ZNF808: variants seen among roughly 807,000 people sequenced by gnomAD.
ZNF808 encodes the protein zinc finger protein 808.
ZNF808 carries 5 observed loss-of-function variants against 8.7 expected under a neutral mutation model. The observed-to-expected ratio is 0.58, with a 90% CI of 0.30 to 1.21. The LOEUF (loss-of-function observed/expected upper bound fraction) is 1.21, where lower values mean the gene tolerates loss of function less well. Ranked by LOEUF, ZNF808 falls within the 50% of genes most tolerant of loss-of-function variation. The probability of loss-of-function intolerance (pLI) is 0.07; values close to 1 mark genes in which losing one functional copy is unlikely to be tolerated. For missense variants in ZNF808, 1,103 were observed against 1,098.4 expected (o/e 1.00, Z -0.06); for synonymous variants, 380 against 366.0 (o/e 1.04, Z -0.44).
chr19:52,564,256 A>G (rs1049373324), exon 4 of ZNF808: 1 of 876,496 alleles, frequency 1.1e-6, no homozygotes, highest in Non-Finnish European at 1.9e-6. Context: ...GATGGCACAC[A>G]TATTTATGCT....
intron 2 of ZNF808, chr19:52,536,116 G>T: frequency 6.5e-6 from 1 of 153,074 alleles, no homozygotes; most frequent in South Asian, 2.0e-4. Context: ...CCTGGAAAGT[G>T]GGGTCCCCAC....
intron 2 of ZNF808, among the ~76,000 whole-genome samples, chr19:52,533,971 GC>G (rs1280112581): frequency 6.6e-6 from 1 of 151,760 alleles, no homozygotes; most frequent in East Asian, 1.9e-4. Context: ...ATAATTCTGA[GC>G]CTTGAGAGGA....
chr19:52,552,702 GGT>G (rs1491227910), intron 4 of ZNF808, among the ~76,000 whole-genome samples: 26 of 102,252 alleles, frequency 2.5e-4, no homozygotes, highest in African/African-American at 9.9e-4. Context: ...TATGTTGTGT[GGT>G]TTTTTTTTTT....
At chr19:52,568,253 A>G (rs1366742657), downstream of ZNF808, among the ~76,000 whole-genome samples, 2 of 152,158 alleles carry the variant, frequency 1.3e-5, no homozygotes, top group Non-Finnish European at 2.9e-5. Context: ...GCACGCCTGT[A>G]TTTTCAGCTA....
At chr19:52,564,255 C>T in exon 4 of ZNF808, 1 of 874,916 alleles carries the variant, frequency 1.1e-6, no homozygotes, top group Non-Finnish European at 1.9e-6. Context: ...AGATGGCACA[C>T]ATATTTATGC....
rs765329038 is a variant in ZNF808, at chr19:52,554,615, T to TAA, written c.1700_1701insAA (p.Tyr567Ter). The change falls in exon 5 of 5, where the codon TAC becomes TAAAC. Residue 567 changes from tyrosine to a stop codon, truncating the protein, a stop_gained and frameshift_variant. Coordinates refer to ENST00000359798, the MANE Select transcript of ZNF808 (RefSeq NM_001039886.4). LOFTEE classifies it low-confidence loss of function (END_TRUNC). ...HTRIHTAKKP[Y>*]KCNECGKAFN... Reference sequence around the variant, plus strand: ...TAGAATTCACACTGCAAAGAAACCTTACAAGTGTAATGAATGTGGGAAAGC... The same window carrying TAA: ...TAGAATTCACACTGCAAAGAAACCTTAAACAAGTGTAATGAATGTGGGAAAGC... The TAA allele has an allele frequency of 7.4e-6, 12 of 1,613,878 alleles. No homozygotes were observed. Among genetic ancestry groups the TAA allele is most frequent in the Non-Finnish European group, 4.2e-6 (5 of 1,179,942 alleles).
chr19:52,532,466 C>T (rs1251821779), intron 1 of ZNF808, among the ~76,000 whole-genome samples: 3 of 152,052 alleles, frequency 2.0e-5, no homozygotes, highest in Admixed American at 6.6e-5. Context: ...ATTTTGGTTA[C>T]CCTTACATAA....
chr19:52,554,241 T>C lies in ZNF808; in HGVS notation c.1325T>C (p.Leu442Pro). The change falls in exon 5 of 5, where the codon CTT becomes CCT. Residue 442 changes from leucine to proline, a missense_variant. Leu to Pro is a moderately conservative substitution (Grantham distance 98). Coordinates refer to ENST00000359798, the MANE Select transcript of ZNF808 (RefSeq NM_001039886.4). Reference sequence around the variant, plus strand: ...AAAGTTTTCAGTCAGAAATCAACCCTTGAGAGACATAAGAGAATTCATACT... The same window carrying C: ...AAAGTTTTCAGTCAGAAATCAACCCCTGAGAGACATAAGAGAATTCATACT... ...CDKVFSQKSTLERHKRIHTGE... is the reference protein window; with the variant it reads ...CDKVFSQKSTPERHKRIHTGE... 6.2e-7 allele frequency: 1 copy of C among 1,613,700 alleles called. No individual in the cohort carries two copies. The highest frequency in any genetic ancestry group is 8.5e-7 in the Non-Finnish European group (1 of 1,179,706).
At position 52,555,139 on chromosome 19, in the gene ZNF808, CA is replaced by C; in HGVS notation, c.2225del (p.Lys742ArgfsTer126). The part of the protein sequence containing the change: ...EKPYKCSECS[K>X]TFSQKATLLC... ...AACCTTACAAGTGTAGTGAGTGCAG[CA>C]AGACGTTCAGTCAGAAGGCAACCCT... is the stretch of plus-strand genomic sequence containing the variant. On this transcript the variant is annotated frameshift_variant, in exon 5 of 5. Transcript: ENST00000359798. LOFTEE classifies it low-confidence loss of function (END_TRUNC). The C allele has an allele frequency of 6.2e-7, 1 of 1,613,590 alleles. No homozygotes were observed. The highest frequency in any genetic ancestry group is 1.1e-5 in the South Asian group (1 of 91,070).
chr19:52,563,062 C>T (rs1739693995), intron 3 of ZNF808, among the ~76,000 whole-genome samples: 1 of 152,146 alleles, frequency 6.6e-6, no homozygotes, highest in Non-Finnish European at 1.5e-5. Flanking sequence ...GCCTGAACCA[C>T]CGCATCCTGT....
intron 3 of ZNF808, among the ~76,000 whole-genome samples, chr19:52,561,940 GAT>G (rs1446501276): frequency 6.6e-6 from 1 of 152,186 alleles, no homozygotes; most frequent in African/African-American, 2.4e-5. Flanking sequence ...TGTGTAATAA[GAT>G]ATGTCAGCCT....
intron 1 of ZNF808, among the ~76,000 whole-genome samples, chr19:52,531,777 C>G (rs996237512): frequency 4.1e-4 from 62 of 152,114 alleles, no homozygotes; most frequent in African/African-American, 1.5e-3. Flanking sequence ...AACTAGATAA[C>G]TAAGGGCAAT....
rs775192477 is a variant in ZNF808 at position 52,554,112 on chromosome 19, A to G, written c.1196A>G (p.Tyr399Cys). 1.9e-6 allele frequency: 3 copies of G among 1,614,188 alleles called. No individual in the cohort carries two copies. Among genetic ancestry groups the G allele is most frequent in the Non-Finnish European group, 2.5e-6 (3 of 1,180,032 alleles). The change falls in exon 5 of 5, where the codon TAC becomes TGC. Residue 399 changes from tyrosine to cysteine, a missense_variant. By Grantham distance (194) the Tyr-to-Cys change is radical (BLOSUM62 -2). Coordinates refer to ENST00000359798, the MANE Select transcript of ZNF808 (RefSeq NM_001039886.4). ...AGAATTCATAGTGGAGAGAAAACAT[A>G]CAAGTGTAATGAGTGTGGTAAGGCT... is the stretch of plus-strand genomic sequence containing the variant. The part of the protein sequence containing the change: ...HTRIHSGEKT[Y>C]KCNECGKAFN...
In ZNF808 at chr19:52,553,206, A is replaced by T; in HGVS notation, c.290A>T (p.His97Leu). The change falls in exon 5 of 5, where the codon CAC becomes CTC. Residue 97 changes from histidine (H) to leucine (L), a missense_variant. Transcript: ENST00000359798. ...ACATTGCAAAGACATCAAAGTTATC[A>T]CATTGGAGACTTTTGCTTCCAGGAA... The part of the protein sequence containing the change: ...TGTLQRHQSY[H>L]IGDFCFQEIE... 6.2e-7 allele frequency: 1 copy of T among 1,614,024 alleles called. No homozygotes were observed. The highest frequency in any genetic ancestry group is 8.5e-7 in the Non-Finnish European group (1 of 1,179,984).
Position 52,547,671 on chromosome 19 carries a change from C to T in ZNF808, c.190+33C>T, listed in dbSNP as rs200074885. On this transcript the variant is annotated intron_variant, in intron 4 of 4. Transcript: ENST00000359798. ...AAATGTCCCTGCAGACATGAGGAGT[C>T]TGCTCCTGTCTATCTTGGCTCTTCC... The T allele has an allele frequency of 5.3e-4, 850 of 1,608,246 alleles. 5 individuals are homozygous for T. The highest frequency in any genetic ancestry group is 1.3e-4 in the Non-Finnish European group (148 of 1,178,240).
At chr19:52,549,654 A>C (rs1310745091) in intron 4 of ZNF808, among the ~76,000 whole-genome samples, 2 of 152,006 alleles carry the variant, frequency 1.3e-5, no homozygotes, top group Non-Finnish European at 2.9e-5. Flanking sequence ...ACAGAGGTGC[A>C]TGCACAAAGT....
intron 2 of ZNF808, among the ~76,000 whole-genome samples, chr19:52,535,019 A>G (rs368040782): frequency 1.3e-5 from 2 of 151,768 alleles, no homozygotes; most frequent in African/African-American, 2.4e-5. Context: ...ACCATGAAAA[A>G]TTTTATTTAA....
At chr19:52,539,184 A>ATT (rs3049209) in intron 2 of ZNF808, among the ~76,000 whole-genome samples, 34,351 of 116,526 alleles carry the variant, frequency 0.29, 4,988 homozygotes, top group East Asian at 0.46. Flanking sequence ...TCTTCATTTC[A>ATT]TTTTTTTTTT....
chr19:52,551,536 G>C (rs185495545), intron 4 of ZNF808, among the ~76,000 whole-genome samples: 1 of 152,128 alleles, frequency 6.6e-6, no homozygotes, highest in Admixed American at 6.6e-5. Context: ...AGTAGAAGTT[G>C]TGGCTTTTTT....
Sources: gnomAD v4.1 joint callset for allele counts (sites outside exome capture counted in the v4.1 genomes callset) on GRCh38, gnomAD v4.1.1 for gene constraint, MANE v1.5 for transcripts, NCBI Gene and HGNC (gene_info 2026-07-23, HGNC 2026-07-21) for gene names.